LHFPL3: variants seen among roughly 807,000 people sequenced by gnomAD.
LHFPL3 encodes the protein LHFPL tetraspan subfamily member 3 protein.
In LHFPL3, 5 loss-of-function variants were observed where a neutral mutation model predicts 19.3. The observed-to-expected ratio is 0.26, with a 90% CI of 0.14 to 0.54. LHFPL3 has a LOEUF of 0.54. Among genes scored for constraint, LHFPL3 ranks in the 20% least tolerant of loss-of-function variants. The pLI is 0.94. For missense variants in LHFPL3, 249 were observed against 307.4 expected (o/e 0.81, Z 1.42); for synonymous variants, 133 against 126.2 (o/e 1.05, Z -0.36).
intron 1 of LHFPL3, among the ~76,000 whole-genome samples, chr7:104,403,407 T>G (rs1791353650): frequency 6.6e-6 from 1 of 152,194 alleles, no homozygotes; most frequent in African/African-American, 2.4e-5. Flanking sequence ...GGACAAGGAC[T>G]ATGTCTTATT....
intron 1 of LHFPL3, among the ~76,000 whole-genome samples, chr7:104,614,315 C>A (rs1344540486): frequency 6.6e-6 from 1 of 152,092 alleles, no homozygotes; most frequent in Non-Finnish European, 1.5e-5. Flanking sequence ...TGTAAATTTA[C>A]AAGTGTAAGA....
intron 1 of LHFPL3, among the ~76,000 whole-genome samples, chr7:104,593,632 AGT>A (rs1790776499): frequency 6.6e-6 from 1 of 152,134 alleles, no homozygotes; most frequent in African/African-American, 2.4e-5. Context: ...TAATGTTGAC[AGT>A]GGGGTGTTAA....
In LHFPL3 at chr7:104,395,931, G is replaced by C. The variant is rs80093175; in HGVS notation, c.445+66707G>C. On this transcript the variant is annotated intron_variant, in intron 1 of 2. Coordinates refer to ENST00000424859, the MANE Select transcript of LHFPL3 (RefSeq NM_199000.3). Reference sequence around the variant, plus strand: ...AAGACTATTTTGGTTATAAATGATAGAAATAGGCAAGTAAACCTAAGTCCA... The same window carrying C: ...AAGACTATTTTGGTTATAAATGATACAAATAGGCAAGTAAACCTAAGTCCA... Among the ~76,000 whole-genome samples, 926 of 152,244 alleles carry C rather than the reference G, an allele frequency of 6.1e-3. 7 individuals carry two copies. The highest frequency in any genetic ancestry group is 9.0e-3 in the Non-Finnish European group (612 of 68,024).
At chr7:104,692,732 A>C (rs1584483284) in intron 1 of LHFPL3, among the ~76,000 whole-genome samples, 1 of 152,250 alleles carries the variant, frequency 6.6e-6, no homozygotes, top group Admixed American at 6.5e-5. Flanking sequence ...CAGAGGATGT[A>C]TGAAAATTCC....
chr7:104,489,396 G>A (rs865955324), intron 1 of LHFPL3, among the ~76,000 whole-genome samples: 2 of 151,910 alleles, frequency 1.3e-5, no homozygotes, highest in Non-Finnish European at 2.9e-5. Flanking sequence ...TTTTCATTTT[G>A]CACTGGGTCT....
In LHFPL3 at chr7:104,366,836, A is replaced by G. The variant is rs114634461; in HGVS notation, c.445+37612A>G. ...TGAAACAGAAATGAGAACCTAGGTA[A>G]CTTGTATTAGAGATGGGGTAGTTTA... On this transcript the variant is annotated intron_variant, in intron 1 of 2. Coordinates refer to ENST00000424859, the MANE Select transcript of LHFPL3 (RefSeq NM_199000.3). Among the ~76,000 whole-genome samples the G allele has an allele frequency of 1.4e-3, 219 of 152,332 alleles. 1 individual carries two copies. The highest frequency in any genetic ancestry group is 5.0e-3 in the African/African-American group (207 of 41,580).
chr7:104,460,662 T>C (rs573042511), intron 1 of LHFPL3, among the ~76,000 whole-genome samples: 1 of 152,338 alleles, frequency 6.6e-6, no homozygotes, highest in Admixed American at 6.5e-5. Flanking sequence ...GAAAAGTGTC[T>C]TTTCATGTCC....
intron 1 of LHFPL3, among the ~76,000 whole-genome samples, chr7:104,361,099 A>G (rs1028744095): frequency 5.3e-5 from 8 of 152,226 alleles, no homozygotes; most frequent in African/African-American, 1.9e-4. Context: ...TGTATTGTCT[A>G]TGGCTGTTTT....
chr7:104,803,266 A>C (rs1444307225), intron 2 of LHFPL3, among the ~76,000 whole-genome samples: 1 of 152,172 alleles, frequency 6.6e-6, no homozygotes, highest in Admixed American at 6.5e-5. Context: ...CACTATATAC[A>C]TGCCTATGGC....
At chr7:104,529,005 C>T (rs564185995) in intron 1 of LHFPL3, among the ~76,000 whole-genome samples, 4 of 152,260 alleles carry the variant, frequency 2.6e-5, no homozygotes, top group Admixed American at 1.3e-4. Flanking sequence ...CTCAGTGAAG[C>T]CTTTTCCTGC....
chr7:104,389,059 T>C (rs550502418), intron 1 of LHFPL3, among the ~76,000 whole-genome samples: 3 of 152,152 alleles, frequency 2.0e-5, no homozygotes, highest in Non-Finnish European at 4.4e-5. Context: ...GGCATTGAGA[T>C]TGGAAAGGAA....
At chr7:104,836,912 G>A (rs1430288970) in intron 2 of LHFPL3, among the ~76,000 whole-genome samples, 4 of 152,160 alleles carry the variant, frequency 2.6e-5, no homozygotes, top group Non-Finnish European at 5.9e-5. Flanking sequence ...CTTGTATCTG[G>A]GTTCTGAAGC....
intron 1 of LHFPL3, among the ~76,000 whole-genome samples, chr7:104,660,670 C>T (rs916923906): frequency 2.0e-5 from 3 of 152,164 alleles, no homozygotes; most frequent in African/African-American, 7.2e-5. Context: ...TGGGCAATGT[C>T]ATTTAGATTA....
rs564514879 is a variant in LHFPL3 at position 104,645,172 on chromosome 7, T to C, written c.446-91503T>C. Among the ~76,000 whole-genome samples, 278 of 152,376 alleles carry C rather than the reference T, an allele frequency of 1.8e-3. 2 individuals carry two copies. The highest frequency in any genetic ancestry group is 3.1e-3 in the Non-Finnish European group (208 of 68,034). On this transcript the variant is annotated intron_variant, in intron 1 of 2. Transcript: ENST00000424859. ...ATATGCATAGTAAACCCAGGCATTC[T>C]TCACTGGGTGGGCCGGGGTTATGGC...
At chr7:104,640,513 G>A (rs926918751) in intron 1 of LHFPL3, among the ~76,000 whole-genome samples, 4 of 152,064 alleles carry the variant, frequency 2.6e-5, no homozygotes, top group South Asian at 2.1e-4. Context: ...GCTTTATCCG[G>A]TCTATCATTG....
chr7:104,574,482 C>A (rs1790285275), intron 1 of LHFPL3, among the ~76,000 whole-genome samples: 1 of 152,178 alleles, frequency 6.6e-6, no homozygotes, highest in African/African-American at 2.4e-5. Context: ...TTGGCAAATG[C>A]TAAATCTGTG....
At chr7:104,719,291 A>G (rs1053266670) in intron 1 of LHFPL3, among the ~76,000 whole-genome samples, 1 of 152,202 alleles carries the variant, frequency 6.6e-6, no homozygotes, top group African/African-American at 2.4e-5. Flanking sequence ...ATGTATATAT[A>G]TAATCTTTGA....
intron 1 of LHFPL3, among the ~76,000 whole-genome samples, chr7:104,612,832 T>C (rs576740320): frequency 1.3e-5 from 2 of 152,318 alleles, no homozygotes; most frequent in South Asian, 4.1e-4. Flanking sequence ...TTCTCCTCCA[T>C]AGACTATCTT....
intron 2 of LHFPL3, among the ~76,000 whole-genome samples, chr7:104,893,927 G>T (rs920278733): frequency 8.6e-5 from 13 of 150,332 alleles, no homozygotes; most frequent in African/African-American, 3.2e-4. Context: ...ACTCCAGCCG[G>T]GGCAACAGAA....
Sources: gnomAD v4.1 joint callset for allele counts (sites outside exome capture counted in the v4.1 genomes callset) on GRCh38, gnomAD v4.1.1 for gene constraint, MANE v1.5 for transcripts, NCBI Gene and HGNC (gene_info 2026-07-23, HGNC 2026-07-21) for gene names.